Variants in PHTF1 observed in about 807,000 individuals in gnomAD.
PHTF1 encodes the protein putative homeodomain transcription factor 1, also known as protein PHTF1.
In PHTF1, 88 loss-of-function variants were observed where a neutral mutation model predicts 102.4. That is an observed-to-expected ratio of 0.86 (90% confidence interval 0.72 to 1.03). The LOEUF is 1.03. Ranked by LOEUF, PHTF1 falls within the 50% of genes least tolerant of loss-of-function variation. The pLI, the probability that PHTF1 is intolerant of heterozygous loss-of-function variation, is 0.00. For synonymous variants in PHTF1, 289 were observed against 305.2 expected (o/e 0.95, Z 0.55); for missense variants, 814 against 909.5 (o/e 0.89, Z 1.35).
At chr1:113,755,888 G>A (rs920416983) in intron 3 of PHTF1, among the ~76,000 whole-genome samples, 2 of 136,182 alleles carry the variant, frequency 1.5e-5, no homozygotes, top group East Asian at 3.2e-4. Flanking sequence ...GTGAAACCCC[G>A]TCTCTACTAA....
intron 7 of PHTF1, among the ~76,000 whole-genome samples, chr1:113,723,159 T>C (rs1653262813): frequency 6.6e-6 from 1 of 150,688 alleles, no homozygotes; most frequent in African/African-American, 2.4e-5. Flanking sequence ...AATAGATCCA[T>C]ACATCTACAG....
At chr1:113,703,381 T>C (rs927143077) in intron 15 of PHTF1, among the ~76,000 whole-genome samples, 2 of 152,230 alleles carry the variant, frequency 1.3e-5, no homozygotes, top group Admixed American at 1.3e-4. Context: ...TGTAACTTCT[T>C]TTAATGCAGA....
intron 5 of PHTF1, among the ~76,000 whole-genome samples, chr1:113,733,818 G>C (rs934372342): frequency 6.6e-6 from 1 of 152,172 alleles, no homozygotes; most frequent in Non-Finnish European, 1.5e-5. Flanking sequence ...TGAGAATGGG[G>C]GGTCCTACTA....
chr1:113,707,146 TG>T (rs935485979), intron 11 of PHTF1, among the ~76,000 whole-genome samples: 58 of 152,278 alleles, frequency 3.8e-4, no homozygotes, highest in African/African-American at 1.3e-3. Flanking sequence ...AGTGTAGTCA[TG>T]GGCTATTAAG....
intron 10 of PHTF1, among the ~76,000 whole-genome samples, 157 bp downstream of exon 10, chr1:113,711,589 C>G (rs931433513): frequency 1.3e-5 from 2 of 152,040 alleles, no homozygotes; most frequent in African/African-American, 4.8e-5. Context: ...GGTGTGTAGT[C>G]ATTAAAAGCT....
intron 7 of PHTF1, among the ~76,000 whole-genome samples, chr1:113,718,807 G>A (rs1361753653): frequency 6.6e-6 from 1 of 152,204 alleles, no homozygotes; most frequent in African/African-American, 2.4e-5. Flanking sequence ...TGGGGACCCT[G>A]GGTCCGGCCC....
intron 3 of PHTF1, among the ~76,000 whole-genome samples, chr1:113,751,647 A>T (rs1658095023): frequency 6.6e-6 from 1 of 152,212 alleles, no homozygotes; most frequent in Non-Finnish European, 1.5e-5. Context: ...GCTATTAAGA[A>T]TAGTGCTGCT....
rs545835977 is a variant in PHTF1, at chr1:113,706,188, C to T, written c.1399-26G>A. 3.4e-4 allele frequency: 540 copies of T among 1,570,312 alleles called. 6 individuals are homozygous for T. In the South Asian group the frequency reaches 6.1e-3, roughly 18 times the overall value. On this transcript the variant is annotated intron_variant, in intron 12 of 18. Transcript: ENST00000369604. ...CTGTGAATTAATTTAAAATTTCCAC[C>T]ATTATTGTGTTAGCTAAATGGAGTT...
intron 5 of PHTF1, among the ~76,000 whole-genome samples, chr1:113,735,142 G>C (rs890981801): frequency 6.6e-6 from 1 of 151,888 alleles, no homozygotes; most frequent in Non-Finnish European, 1.5e-5. Context: ...GAAGCAGGAG[G>C]ATCACCTGGG....
intron 3 of PHTF1, among the ~76,000 whole-genome samples, chr1:113,742,981 T>C (rs1656661139): frequency 6.6e-6 from 1 of 151,908 alleles, no homozygotes; most frequent in South Asian, 2.1e-4. Context: ...GTTGTTGTTG[T>C]TGTTGTTGTT....
intron 4 of PHTF1, 72 bp downstream of exon 4, chr1:113,738,658 G>C: frequency 3.4e-6 from 3 of 877,092 alleles, no homozygotes; most frequent in Non-Finnish European, 5.5e-6. Flanking sequence ...ATCATATAGA[G>C]AAGATATTGA....
intron 3 of PHTF1, among the ~76,000 whole-genome samples, chr1:113,752,702 A>C (rs1658283358): frequency 6.6e-6 from 1 of 152,022 alleles, no homozygotes; most frequent in African/African-American, 2.4e-5. Flanking sequence ...TTTTTTATAT[A>C]TATTCTTAGG....
Position 113,699,620 on chromosome 1 carries a change from A to G in PHTF1, c.2142+84T>C, listed in dbSNP as rs1649222134. The G allele has an allele frequency of 1.9e-5, 14 of 719,964 alleles. No individual in the cohort carries two copies. The East Asian group carries it at 3.8e-4, about 19-fold the overall frequency. 44.6% of individuals were successfully genotyped at this position (719,964 alleles called of 1,614,324 possible). A position where few individuals can be genotyped will look rare whatever the true frequency, so the allele number is the denominator to read the frequency against. ...TCCAGGACCCCTCCCAACCCAAGGT[A>G]TCATCTGCCATTTAATGTTTTCTTA... On this transcript the variant is annotated intron_variant, in intron 17 of 18. Transcript: ENST00000369604.
chr1:113,712,391 C>A (rs1329059561), intron 8 of PHTF1, among the ~76,000 whole-genome samples: 1 of 152,128 alleles, frequency 6.6e-6, no homozygotes, highest in Non-Finnish European at 1.5e-5. Flanking sequence ...TTACTAGATA[C>A]ATAACCTTGA....
intron 5 of PHTF1, among the ~76,000 whole-genome samples, chr1:113,736,363 C>T (rs1655495904): frequency 6.7e-6 from 1 of 149,062 alleles, no homozygotes; most frequent in African/African-American, 2.5e-5. Flanking sequence ...AAAAAAGATA[C>T]GTAGATAGGA....
chr1:113,698,243 G>T lies in PHTF1; in HGVS notation c.2268+19C>A. On this transcript the variant is annotated intron_variant, in intron 18 of 18. Coordinates refer to ENST00000369604, the MANE Select transcript of PHTF1 (RefSeq NM_001323043.2). ...TAATTTTTAAGACTAGGATGCTACAGAGTGGTGGTGATACTTACTCTTATA... is the reference window on the plus strand; with the variant it reads ...TAATTTTTAAGACTAGGATGCTACATAGTGGTGGTGATACTTACTCTTATA... 1 of 1,588,870 alleles carries T rather than the reference G, an allele frequency of 6.3e-7. No homozygotes were observed. Among genetic ancestry groups the T allele is most frequent in the Non-Finnish European group, 8.6e-7 (1 of 1,160,346 alleles).
chr1:113,700,110 A>G (rs534586630), intron 16 of PHTF1: 682 of 1,030,960 alleles, frequency 6.6e-4, no homozygotes, highest in Non-Finnish European at 7.8e-4. Context: ...CAAAACCTCT[A>G]TCTTATTCAT....
chr1:113,748,454 T>C (rs999945341), intron 3 of PHTF1, among the ~76,000 whole-genome samples: 2 of 152,194 alleles, frequency 1.3e-5, no homozygotes, highest in African/African-American at 2.4e-5. Flanking sequence ...TTTTTGTTGT[T>C]CATTTTTATA....
At chr1:113,718,761 G>A (rs1203253433) in intron 7 of PHTF1, among the ~76,000 whole-genome samples, 2 of 152,174 alleles carry the variant, frequency 1.3e-5, no homozygotes, top group African/African-American at 4.8e-5. Flanking sequence ...GAGCAACTGG[G>A]ACATGGGACA....
Sources: allele counts gnomAD v4.1 joint callset (sites outside exome capture counted in the v4.1 genomes callset), GRCh38; gene constraint gnomAD v4.1.1; transcripts MANE v1.5; gene names NCBI Gene and HGNC (gene_info 2026-07-23, HGNC 2026-07-21).